Variants in ITFG1 observed in about 807,000 individuals in gnomAD.
The protein encoded by ITFG1 is integrin alpha FG-GAP repeat containing 1.
ITFG1 carries 34 observed loss-of-function variants against 81.8 expected under a neutral mutation model. The ratio of observed to expected loss-of-function variants is 0.42; its 90% CI spans 0.32 to 0.55. ITFG1 has a LOEUF of 0.55. Ranked by LOEUF, ITFG1 falls within the 20% of genes least tolerant of loss-of-function variation. The pLI is 0.17. For synonymous variants in ITFG1, 285 were observed against 270.6 expected, an observed-to-expected ratio of 1.05 and a Z score of -0.52; for missense variants, 672 against 755.4, an observed-to-expected ratio of 0.89 and a Z score of 1.29.
At chr16:47,177,492 T>C (rs1362511702) in intron 14 of ITFG1, among the ~76,000 whole-genome samples, 1 of 152,220 alleles carries the variant, frequency 6.6e-6, no homozygotes, top group Non-Finnish European at 1.5e-5. Flanking sequence ...ATTTCCTTGA[T>C]ATGTTTAAAT....
At chr16:47,186,220 A>C (rs1429792596) in intron 14 of ITFG1, among the ~76,000 whole-genome samples, 2 of 152,236 alleles carry the variant, frequency 1.3e-5, no homozygotes, top group Non-Finnish European at 2.9e-5. Context: ...AAAGTATTCC[A>C]ATCAACAGAA....
At chr16:47,256,077 C>A (rs1360544982) in intron 12 of ITFG1, among the ~76,000 whole-genome samples, 1 of 152,096 alleles carries the variant, frequency 6.6e-6, no homozygotes, top group Non-Finnish European at 1.5e-5. Context: ...CAGGCTCCAG[C>A]CTCAGCCTCC....
chr16:47,296,440 T>G (rs1446885832), intron 10 of ITFG1, among the ~76,000 whole-genome samples: 1 of 152,106 alleles, frequency 6.6e-6, no homozygotes, highest in Non-Finnish European at 1.5e-5. Context: ...TACAGTTTCT[T>G]GTTTTGTTTC....
intron 8 of ITFG1, among the ~76,000 whole-genome samples, chr16:47,352,521 C>T (rs557101911): frequency 1.3e-5 from 2 of 152,086 alleles, no homozygotes; most frequent in Non-Finnish European, 1.5e-5. Context: ...ACCATCTATA[C>T]CAGTTAGAAT....
chr16:47,379,278 G>A (rs768971910), intron 6 of ITFG1, among the ~76,000 whole-genome samples: 18 of 152,106 alleles, frequency 1.2e-4, no homozygotes, highest in Non-Finnish European at 2.1e-4. Context: ...CCGTCCACTG[G>A]TTTTGACTCT....
At chr16:47,335,871 G>C (rs1210085388) in intron 8 of ITFG1, among the ~76,000 whole-genome samples, 1 of 151,708 alleles carries the variant, frequency 6.6e-6, no homozygotes, top group Non-Finnish European at 1.5e-5. Flanking sequence ...GTATTACTAA[G>C]AAAAAGGAAA....
intron 6 of ITFG1, among the ~76,000 whole-genome samples, chr16:47,421,667 T>C (rs1315769253): frequency 6.6e-6 from 1 of 152,172 alleles, no homozygotes; most frequent in East Asian, 1.9e-4. Flanking sequence ...ATTTGATAGG[T>C]GATTAATTAT....
Position 47,241,602 on chromosome 16 carries a change from C to T in ITFG1, c.1331-3594G>A, listed in dbSNP as rs545981301. Among the ~76,000 whole-genome samples, 229 of 152,238 alleles carry T rather than the reference C, an allele frequency of 1.5e-3. 2 individuals are homozygous for T. Among genetic ancestry groups the T allele is most frequent in the African/African-American group, 5.3e-3 (220 of 41,536 alleles). On this transcript the variant is annotated intron_variant, in intron 12 of 17. Coordinates refer to ENST00000320640, the MANE Select transcript of ITFG1 (RefSeq NM_030790.5). ...TATGAAATGTCCAGAATAGGCAAAT[C>T]GATGGATACATAAAGTAGATGAGTG...
At chr16:47,308,652 C>T (rs1051934140) in intron 10 of ITFG1, among the ~76,000 whole-genome samples, 3 of 152,186 alleles carry the variant, frequency 2.0e-5, no homozygotes, top group African/African-American at 7.2e-5. Flanking sequence ...AAGCCATTTT[C>T]TTCCCAGCAT....
At chr16:47,225,009 A>T (rs1567428641) in intron 13 of ITFG1, among the ~76,000 whole-genome samples, 4 of 152,152 alleles carry the variant, frequency 2.6e-5, no homozygotes, top group Admixed American at 2.0e-4. Context: ...AAAAGAAAAG[A>T]TTCTTCAAAG....
intron 13 of ITFG1, among the ~76,000 whole-genome samples, chr16:47,232,315 A>G (rs1054761676): frequency 2.0e-5 from 3 of 152,256 alleles, no homozygotes; most frequent in African/African-American, 7.2e-5. Flanking sequence ...CTTTTCCAAA[A>G]TTACTGTAGA....
At chr16:47,244,248 C>T (rs984713178) in intron 12 of ITFG1, among the ~76,000 whole-genome samples, 26 of 152,266 alleles carry the variant, frequency 1.7e-4, no homozygotes, top group African/African-American at 5.5e-4. Flanking sequence ...GTGAGCTGCT[C>T]TAGCAAATCA....
intron 10 of ITFG1, among the ~76,000 whole-genome samples, chr16:47,284,663 A>G (rs956739279): frequency 5.3e-4 from 80 of 152,298 alleles, no homozygotes; most frequent in African/African-American, 1.9e-3. Flanking sequence ...AACCACCCCC[A>G]TTAAAATTGT....
intron 14 of ITFG1, among the ~76,000 whole-genome samples, chr16:47,184,621 G>A (rs1366679765): frequency 6.6e-6 from 1 of 152,112 alleles, no homozygotes; most frequent in East Asian, 1.9e-4. Flanking sequence ...AAGAGCTCCT[G>A]AAGGAAGCGC....
At chr16:47,361,757 A>T (rs1318328720) in intron 8 of ITFG1, among the ~76,000 whole-genome samples, 2 of 152,170 alleles carry the variant, frequency 1.3e-5, no homozygotes, top group Admixed American at 6.5e-5. Flanking sequence ...CTAAAATGAA[A>T]ATCTAAAGGT....
chr16:47,413,799 ACTGT>A (rs773185977), intron 6 of ITFG1, among the ~76,000 whole-genome samples: 96 of 152,240 alleles, frequency 6.3e-4, no homozygotes, highest in Middle Eastern at 3.4e-3. Context: ...AGGTGCAGGG[ACTGT>A]CTAATACTCC....
At chr16:47,171,139 T>C (rs1596781654) in intron 14 of ITFG1, among the ~76,000 whole-genome samples, 1 of 150,558 alleles carries the variant, frequency 6.6e-6, no homozygotes, top group African/African-American at 2.4e-5. Context: ...TTAAGCCTCC[T>C]GAGTAGCTAG....
At chr16:47,302,162 GTTCT>G (rs1567451787) in intron 10 of ITFG1, among the ~76,000 whole-genome samples, 6 of 152,122 alleles carry the variant, frequency 3.9e-5, no homozygotes, top group Admixed American at 2.6e-4. Context: ...AATTATTCTG[GTTCT>G]TTAAGACTCC....
At chr16:47,158,081 A>G in intron 17 of ITFG1, among the ~76,000 whole-genome samples, 1 of 152,176 alleles carries the variant, frequency 6.6e-6, no homozygotes, top group East Asian at 1.9e-4. Context: ...TTGATAGATG[A>G]AAAAGATGTT....
Sources: allele counts gnomAD v4.1 joint callset (sites outside exome capture counted in the v4.1 genomes callset), GRCh38; gene constraint gnomAD v4.1.1; transcripts MANE v1.5; gene names NCBI Gene and HGNC (gene_info 2026-07-23, HGNC 2026-07-21).